DLD: variants seen among roughly 807,000 people sequenced by gnomAD.
DLD encodes dihydrolipoyl dehydrogenase, mitochondrial.
Under a neutral mutation model 62.2 loss-of-function variants are expected in DLD, and 36 were observed. The ratio of observed to expected loss-of-function variants is 0.58; its 90% CI spans 0.44 to 0.76. The LOEUF is 0.76. DLD is among the 30% of genes least tolerant of loss of function. DLD has a pLI of 0.00. For missense variants in DLD, 541 were observed against 608.6 expected (o/e 0.89, Z 1.17); for synonymous variants, 204 against 199.6 (o/e 1.02, Z -0.19).
intron 8 of DLD, among the ~76,000 whole-genome samples, chr7:107,912,919 T>C (rs976495470): frequency 2.0e-5 from 3 of 152,172 alleles, no homozygotes; most frequent in African/African-American, 7.2e-5. Context: ...TTACAGTAAT[T>C]TCATAGTTTC....
At chr7:107,910,224 C>T (rs1307778489) in intron 8 of DLD, among the ~76,000 whole-genome samples, 1 of 152,158 alleles carries the variant, frequency 6.6e-6, no homozygotes, top group African/African-American at 2.4e-5. Flanking sequence ...AATAATATTT[C>T]TTCTGTTCAT....
intron 8 of DLD, among the ~76,000 whole-genome samples, chr7:107,910,127 T>C (rs140143372): frequency 8.8e-4 from 134 of 152,314 alleles, no homozygotes; most frequent in African/African-American, 2.9e-3. Flanking sequence ...AGTGCTGGGA[T>C]TACAGGCATG....
chr7:107,912,591 A>AT (rs1415241184), intron 8 of DLD, among the ~76,000 whole-genome samples: 2 of 152,020 alleles, frequency 1.3e-5, no homozygotes, highest in Non-Finnish European at 2.9e-5. Flanking sequence ...AATGTTGAAC[A>AT]TTTTTTCATA....
chr7:107,891,473 A>C (rs1337828180), intron 1 of DLD, 184 bp downstream of exon 1: 1 of 687,512 alleles, frequency 1.5e-6, no homozygotes, highest in African/African-American at 1.8e-5. Flanking sequence ...CTCATCCTGC[A>C]GCAGGCGAGG....
intron 4 of DLD, among the ~76,000 whole-genome samples, chr7:107,903,161 G>T (rs2031918339): frequency 6.6e-6 from 1 of 152,124 alleles, no homozygotes; most frequent in Admixed American, 6.5e-5. Context: ...CACTTTGGGA[G>T]GCCGAGGCGG....
rs549504526 is a variant in DLD at position 107,906,139 on chromosome 7, A to G, written c.583-128A>G. 643 of 628,658 alleles carry G rather than the reference A, an allele frequency of 1.0e-3. 1 individual carries two copies. The highest frequency in any genetic ancestry group is 1.7e-3 in the Middle Eastern group (4 of 2,292). 38.9% of individuals were successfully genotyped at this position (628,658 alleles called of 1,614,324 possible). On this transcript the variant is annotated intron_variant, in intron 7 of 13. Coordinates refer to ENST00000205402, the MANE Select transcript of DLD (RefSeq NM_000108.5). The stretch of plus-strand genomic sequence containing the variant: ...ATGTTCAGTACAGATGCAACCATCA[A>G]TTTTTTTCCTGAATATTTTCAATTA...
chr7:107,898,058 C>G (rs7790757), intron 2 of DLD, among the ~76,000 whole-genome samples: 98,730 of 151,716 alleles, frequency 0.65, 32,739 homozygotes, highest in East Asian at 0.85. Flanking sequence ...CATTAATTGC[C>G]TTGTTTAAGT....
At chr7:107,903,172 G>A (rs918800622) in intron 4 of DLD, among the ~76,000 whole-genome samples, 3 of 152,150 alleles carry the variant, frequency 2.0e-5, no homozygotes, top group Non-Finnish European at 4.4e-5. Context: ...GCCGAGGCGG[G>A]TGGATCACCT....
chr7:107,898,816 C>T (rs894835089), intron 2 of DLD, among the ~76,000 whole-genome samples: 3 of 151,642 alleles, frequency 2.0e-5, no homozygotes, highest in Admixed American at 6.6e-5. Context: ...CCTCGTGATC[C>T]GCCTGCCTCG....
At chr7:107,891,581 C>A in intron 1 of DLD, 1 of 572,368 alleles carries the variant, frequency 1.7e-6, no homozygotes, top group Non-Finnish European at 3.1e-6. Context: ...AGGGCCATCC[C>A]GGTCACACAT....
intron 1 of DLD, 197 bp downstream of exon 1, chr7:107,891,486 C>G (rs761035155): frequency 9.3e-6 from 6 of 645,024 alleles, no homozygotes; most frequent in Non-Finnish European, 1.6e-5. Context: ...AGGCGAGGGA[C>G]GGGGCTGGGC....
Position 107,901,788 on chromosome 7 carries a change from G to A in DLD, c.169G>A (p.Ala57Thr), listed in dbSNP as rs1283929245. ...TTCTGGTCCTGGAGGATATGTTGCT[G>A]CTATTAAAGCTGCCCAGTTAGGCTT... The part of the protein sequence containing the change: ...IGSGPGGYVA[A>T]IKAAQLGFKT... The change falls in exon 3 of 14, where the codon GCT becomes ACT. Residue 57 changes from alanine to threonine, a missense_variant. By Grantham distance (58) the Ala-to-Thr change is moderately conservative. Transcript: ENST00000205402. 1 of 1,613,662 alleles carries A rather than the reference G, an allele frequency of 6.2e-7. No homozygotes were observed. The highest frequency in any genetic ancestry group is 2.2e-5 in the East Asian group (1 of 44,806).
At chr7:107,912,068 T>C (rs2032157965) in intron 8 of DLD, among the ~76,000 whole-genome samples, 1 of 151,996 alleles carries the variant, frequency 6.6e-6, no homozygotes, top group Non-Finnish European at 1.5e-5. Flanking sequence ...AGCTCCCACA[T>C]GTTAGAACAT....
intron 2 of DLD, among the ~76,000 whole-genome samples, chr7:107,896,935 A>C (rs1281167225): frequency 2.0e-5 from 3 of 151,756 alleles, no homozygotes; most frequent in Non-Finnish European, 4.4e-5. Flanking sequence ...TCCCGGGTTC[A>C]AGTGATTCTC....
At chr7:107,903,330 A>G in intron 4 of DLD, 148 bp from the exon 5 acceptor site, 7 of 545,156 alleles carry the variant, frequency 1.3e-5, no homozygotes, top group South Asian at 1.2e-4. Flanking sequence ...GTGAGCTGAG[A>G]TGGCGCCATT....
chr7:107,905,207 A>G (rs2031974284), intron 6 of DLD, 149 bp downstream of exon 6: 1 of 1,025,310 alleles, frequency 9.8e-7, no homozygotes, highest in Non-Finnish European at 1.5e-6. Context: ...CCTGACATAT[A>G]TCACAGATTT....
chr7:107,900,530 G>GT (rs1471653055), intron 2 of DLD, among the ~76,000 whole-genome samples: 1 of 151,956 alleles, frequency 6.6e-6, no homozygotes, highest in Non-Finnish European at 1.5e-5. Flanking sequence ...CTCACCTAAG[G>GT]TCACATAGGT....
rs115427105 is a variant in DLD, at chr7:107,891,488, G to A, written c.39+199G>A. On this transcript the variant is annotated intron_variant, in intron 1 of 13. Transcript: ENST00000205402. The stretch of plus-strand genomic sequence containing the variant: ...CTCATCCTGCAGCAGGCGAGGGACG[G>A]GGCTGGGCCCAGGCTGTGGCGAGTC... 12,907 of 653,384 alleles carry A rather than the reference G, an allele frequency of 0.02. 1,209 individuals carry two copies. The African/African-American group carries it at 0.21, about 10-fold the overall frequency. The allele number at this position is 653,384 out of a possible 1,614,324, so 40.5% of individuals were successfully genotyped here.
In DLD at chr7:107,919,235, A is replaced by T; in HGVS notation, c.1506A>T (p.Ser502=). Residue 502 remains serine, a synonymous_variant, in exon 14 of 14, where the codon TCA becomes TCT. Coordinates refer to ENST00000205402, the MANE Select transcript of DLD (RefSeq NM_000108.5). The part of the protein sequence containing the change: ...EAFREANLAA[S]FGKSINF ...TTAGAGAAGCAAATCTTGCTGCGTC[A>T]TTTGGCAAATCAATCAACTTTTGAA... is the stretch of plus-strand genomic sequence containing the variant. 1 of 1,612,572 alleles carries T rather than the reference A, an allele frequency of 6.2e-7. No homozygotes were observed. The highest frequency in any genetic ancestry group is 1.1e-5 in the South Asian group (1 of 90,926).
Sources: allele counts gnomAD v4.1 joint callset (sites outside exome capture counted in the v4.1 genomes callset), GRCh38; gene constraint gnomAD v4.1.1; transcripts MANE v1.5; gene names NCBI Gene and HGNC (gene_info 2026-07-23, HGNC 2026-07-21).